The following DCAF7 variants were observed in gnomAD, a reference collection of about 807,000 sequenced individuals.
DCAF7 encodes DDB1 and CUL4 associated factor 7.
A neutral mutation model predicts 41.2 loss-of-function variants in DCAF7; 4 were observed. That is an observed-to-expected ratio of 0.10 (90% CI 0.05 to 0.22). The LOEUF is 0.22. Among genes scored for constraint, DCAF7 ranks in the 10% least tolerant of loss-of-function variants. The pLI is 1.00. For synonymous variants in DCAF7, 143 were observed against 164.2 expected (o/e 0.87, Z 0.99); for missense variants, 131 against 443.2 (o/e 0.30, Z 6.32).
intron 1 of DCAF7, among the ~76,000 whole-genome samples, chr17:63,562,642 C>T (rs2147763175): frequency 6.7e-6 from 1 of 150,088 alleles, no homozygotes; most frequent in Non-Finnish European, 1.5e-5. Context: ...CACCCACTAA[C>T]TCGTCATCTA....
intron 1 of DCAF7, among the ~76,000 whole-genome samples, chr17:63,568,949 TC>T (rs1297297856): frequency 1.3e-5 from 2 of 152,206 alleles, no homozygotes; most frequent in Non-Finnish European, 2.9e-5. Context: ...GGGTCTTAAT[TC>T]CAAATGCTTA....
intron 6 of DCAF7, among the ~76,000 whole-genome samples, chr17:63,586,266 A>G (rs908330118): frequency 6.6e-6 from 1 of 151,962 alleles, no homozygotes; most frequent in African/African-American, 2.4e-5. Flanking sequence ...CAGCCTGGGC[A>G]GTATAGTGAG....
intron 1 of DCAF7, among the ~76,000 whole-genome samples, chr17:63,575,247 C>G (rs1702680264): frequency 6.6e-6 from 1 of 152,194 alleles, no homozygotes; most frequent in Admixed American, 6.5e-5. Context: ...AGGAGAATTG[C>G]TTGAACCTGG....
intron 4 of DCAF7, among the ~76,000 whole-genome samples, chr17:63,582,759 C>G (rs778205733): frequency 2.0e-5 from 3 of 152,268 alleles, no homozygotes; most frequent in Admixed American, 6.5e-5. Context: ...GTAATCCGCA[C>G]CCGGCCTTCG....
At chr17:63,557,516 G>A (rs893675793) in intron 1 of DCAF7, among the ~76,000 whole-genome samples, 5 of 150,162 alleles carry the variant, frequency 3.3e-5, no homozygotes, top group Admixed American at 6.6e-5. Flanking sequence ...AAAAAAAAAA[G>A]AAAGAAAGAA....
intron 1 of DCAF7, among the ~76,000 whole-genome samples, chr17:63,572,464 G>A (rs535943087): frequency 2.6e-5 from 4 of 152,324 alleles, no homozygotes; most frequent in African/African-American, 9.6e-5. Context: ...TATAAGGTAA[G>A]TTAGGGCTGG....
chr17:63,583,742 C>T (rs772638745), intron 5 of DCAF7, 31 bp downstream of exon 5: 2 of 1,603,482 alleles, frequency 1.2e-6, no homozygotes, highest in African/African-American at 1.3e-5. Context: ...ACCATGGGCC[C>T]TGCCTAACTC....
chr17:63,566,574 G>A (rs2033444306), intron 1 of DCAF7, among the ~76,000 whole-genome samples: 1 of 152,052 alleles, frequency 6.6e-6, no homozygotes, highest in Non-Finnish European at 1.5e-5. Flanking sequence ...GAAGAATGAG[G>A]GAAAGGAGAG....
chr17:63,571,111 AG>A (rs2033502234), intron 1 of DCAF7, among the ~76,000 whole-genome samples: 1 of 152,060 alleles, frequency 6.6e-6, no homozygotes, highest in African/African-American at 2.4e-5. Flanking sequence ...ACTTGAATCC[AG>A]GAAGTGGAGG....
intron 1 of DCAF7, among the ~76,000 whole-genome samples, chr17:63,575,568 T>C (rs1482797278): frequency 6.6e-6 from 1 of 151,946 alleles, no homozygotes; most frequent in Non-Finnish European, 1.5e-5. Flanking sequence ...GGCGTGGTGG[T>C]GCGCACCTGT....
chr17:63,558,868 A>C (rs1162938724), intron 1 of DCAF7, among the ~76,000 whole-genome samples: 1 of 152,242 alleles, frequency 6.6e-6, no homozygotes, highest in Non-Finnish European at 1.5e-5. Flanking sequence ...GAAAAGGTGG[A>C]CTAATGATGG....
At chr17:63,584,512 A>C (rs2033657319) in intron 5 of DCAF7, among the ~76,000 whole-genome samples, 1 of 151,856 alleles carries the variant, frequency 6.6e-6, no homozygotes. Context: ...CTGTAATCCC[A>C]GCACTTTGGG....
chr17:63,584,467 GA>G (rs575528125), intron 5 of DCAF7, among the ~76,000 whole-genome samples: 52 of 137,616 alleles, frequency 3.8e-4, no homozygotes, highest in Middle Eastern at 8.5e-3. Flanking sequence ...GACTCCATCT[GA>G]AAAAAAAAAA....
At chr17:63,575,317 C>T (rs1476379525) in intron 1 of DCAF7, among the ~76,000 whole-genome samples, 3 of 152,070 alleles carry the variant, frequency 2.0e-5, no homozygotes, top group African/African-American at 7.2e-5. Context: ...GGCGACAGAG[C>T]GAGACTCAGT....
chr17:63,575,046 G>A lies in DCAF7; in HGVS notation c.139-3424G>A, dbSNP rs537874101. 1.1e-4 allele frequency among the ~76,000 whole-genome samples: 16 copies of A among 152,318 alleles called. No individual in the cohort carries two copies. The South Asian group carries it at 3.3e-3, about 32-fold the overall frequency. ...AAATCAAGTTAATGGGCCAGGCGCA[G>A]TAGCTCATGCCAATAATCCCAGAAC... On this transcript the variant is annotated intron_variant, in intron 1 of 6. Transcript: ENST00000614556.
At chr17:63,585,188 C>A in intron 5 of DCAF7, 23 bp from the exon 6 acceptor site, 2 of 1,593,836 alleles carry the variant, frequency 1.3e-6, no homozygotes, top group Non-Finnish European at 1.7e-6. Context: ...TGATCCCAGG[C>A]CTTTTACTTG....
At chr17:63,565,607 G>A (rs2033431878) in intron 1 of DCAF7, among the ~76,000 whole-genome samples, 1 of 152,000 alleles carries the variant, frequency 6.6e-6, no homozygotes, top group African/African-American at 2.4e-5. Context: ...ATGGAGCTTT[G>A]TGATATTGGG....
At chr17:63,588,892 C>A in intron 6 of DCAF7, 108 bp from the exon 7 acceptor site, 1 of 1,191,836 alleles carries the variant, frequency 8.4e-7, no homozygotes, top group Non-Finnish European at 1.1e-6. Flanking sequence ...AAAATAGAAC[C>A]GCCATCACGG....
At chr17:63,579,309 A>T in intron 2 of DCAF7, 28 bp from the exon 3 acceptor site, 1 of 1,518,206 alleles carries the variant, frequency 6.6e-7, no homozygotes, top group East Asian at 2.4e-5. Flanking sequence ...AGACTGGCTG[A>T]TTTTTTTTAA....
Sources: allele counts gnomAD v4.1 joint callset (sites outside exome capture counted in the v4.1 genomes callset), GRCh38; gene constraint gnomAD v4.1.1; transcripts MANE v1.5; gene names NCBI Gene and HGNC (gene_info 2026-07-23, HGNC 2026-07-21).